Variants in SPG11 observed in about 807,000 individuals in gnomAD.
SPG11 encodes spatacsin.
A neutral mutation model predicts 274.0 loss-of-function variants in SPG11; 222 were observed. That is an observed-to-expected ratio of 0.81 (90% CI 0.73 to 0.91). SPG11 has a LOEUF of 0.91. SPG11 is among the 40% of genes least tolerant of loss of function. SPG11 has a pLI of 0.00. For missense variants in SPG11, 3,114 were observed against 2,872.7 expected, an observed-to-expected ratio of 1.08 and a Z score of -1.92; for synonymous variants, 1,144 against 1,039.7, an observed-to-expected ratio of 1.10 and a Z score of -1.93.
chr15:44,648,777 A>G, intron 7 of SPG11, 89 bp downstream of exon 7: 1 of 1,454,082 alleles, frequency 6.9e-7, no homozygotes. Flanking sequence ...TTGCTGCTAA[A>G]TTAAATGAAT....
At chr15:44,609,735 C>CTT (rs752969781) in intron 18 of SPG11, among the ~76,000 whole-genome samples, 8 of 140,860 alleles carry the variant, frequency 5.7e-5, no homozygotes, top group African/African-American at 7.8e-5. Flanking sequence ...CCCCGCCCAG[C>CTT]TTTTTTTTTT....
intron 35 of SPG11, among the ~76,000 whole-genome samples, chr15:44,568,744 C>T (rs1289093161): frequency 2.0e-5 from 3 of 152,184 alleles, no homozygotes; most frequent in African/African-American, 7.2e-5. Context: ...TCTAAAAGCC[C>T]TCAAACAACC....
intron 21 of SPG11, 88 bp downstream of exon 21, chr15:44,600,379 G>C: frequency 1.4e-6 from 2 of 1,440,494 alleles, no homozygotes; most frequent in Non-Finnish European, 1.9e-6. Context: ...TGAACTCCTG[G>C]GCTCAAGTGA....
At chr15:44,604,239 T>A in intron 20 of SPG11, 1 of 382,460 alleles carries the variant, frequency 2.6e-6, no homozygotes, top group Non-Finnish European at 5.1e-6. Flanking sequence ...GAGGTATCTG[T>A]CATCTTACAA....
intron 1 of SPG11, among the ~76,000 whole-genome samples, chr15:44,661,127 C>T (rs2085093111): frequency 6.6e-6 from 1 of 152,096 alleles, no homozygotes; most frequent in African/African-American, 2.4e-5. Flanking sequence ...TTAGCATTGC[C>T]CAATACAGTA....
At position 44,659,201 on chromosome 15, in the gene SPG11, T is replaced by G. The variant is rs143636318; in HGVS notation, c.545A>C (p.Asp182Ala). 2.5e-6 allele frequency: 4 copies of G among 1,614,082 alleles called. No individual in the cohort carries two copies. The African/African-American group carries it at 5.3e-5, about 22-fold the overall frequency. The change falls in exon 3 of 40, where the codon GAT becomes GCT. Residue 182 changes from aspartate to alanine, a missense_variant. By Grantham distance (126) the Asp-to-Ala change is moderately radical. Coordinates refer to ENST00000261866, the MANE Select transcript of SPG11 (RefSeq NM_025137.4). ...ACAGTTGAGTACTCTAATTGCAGCA[T>G]CTCTTTCAGGAAATATAATATGTAG... ...VILHIIFPER[D>A]AAIRVLNCFT...
intron 30 of SPG11, among the ~76,000 whole-genome samples, chr15:44,578,165 T>C (rs961515223): frequency 6.6e-6 from 1 of 151,016 alleles, no homozygotes; most frequent in East Asian, 1.9e-4. Context: ...GCTGGGACTA[T>C]AGGCGCCCGC....
At chr15:44,617,404 T>A (rs972104002) in intron 15 of SPG11, among the ~76,000 whole-genome samples, 2 of 152,224 alleles carry the variant, frequency 1.3e-5, no homozygotes, top group African/African-American at 2.4e-5. Flanking sequence ...CAACACAAGG[T>A]AGGGAGGGGA....
At chr15:44,636,926 A>AAAAAAAAACAAAC (rs1567180395) in intron 7 of SPG11, among the ~76,000 whole-genome samples, 5 of 98,362 alleles carry the variant, frequency 5.1e-5, no homozygotes, top group Non-Finnish European at 7.9e-5. Context: ...ACTCCATCTC[A>AAAAAAAAACAAAC]AAAAAAAAAA....
rs1348064725 is a variant in SPG11, at chr15:44,579,212, A to AT, written c.5867-4172dup. ...CCAAAATGTCCAGATGCAACCCCAG[A>AT]TTACTCAGCATAAGAAAAAGCAGGA... is the stretch of plus-strand genomic sequence containing the variant. On this transcript the variant is annotated intron_variant, in intron 30 of 39. Transcript: ENST00000261866. 4.0e-5 allele frequency among the ~76,000 whole-genome samples: 6 copies of AT among 151,090 alleles called. No homozygotes were observed. The Admixed American group carries it at 4.0e-4, about 10-fold the overall frequency.
intron 35 of SPG11, among the ~76,000 whole-genome samples, chr15:44,568,712 C>T (rs776400696): frequency 2.1e-5 from 3 of 145,790 alleles, no homozygotes; most frequent in Non-Finnish European, 4.6e-5. Context: ...CAATTTTTCA[C>T]AGTCTCCTGA....
intron 11 of SPG11, among the ~76,000 whole-genome samples, chr15:44,623,994 A>G (rs1374095426): frequency 6.6e-6 from 1 of 152,050 alleles, no homozygotes; most frequent in African/African-American, 2.4e-5. Flanking sequence ...TCCTGCTTCA[A>G]AAGTGATCTG....
At position 44,621,839 on chromosome 15, in the gene SPG11, T is replaced by C; in HGVS notation, c.2540A>G (p.His847Arg). Residue 847 changes from histidine to arginine, a missense_variant, in exon 14 of 40, where the codon CAT (histidine) becomes CGT (arginine). His to Arg is a conservative substitution (Grantham distance 29). Transcript: ENST00000261866. ...CAGAGCCCAATTTAACACAATTCTATGGTCCTGTTTGTTAAATTCATCTTT... is the reference window on the plus strand; with the variant it reads ...CAGAGCCCAATTTAACACAATTCTACGGTCCTGTTTGTTAAATTCATCTTT... ...DCKDEFNKQD[H>R]RIVLNWALWW... The C allele has an allele frequency of 6.2e-7, 1 of 1,613,908 alleles. No homozygotes were observed. Among genetic ancestry groups the C allele is most frequent in the Non-Finnish European group, 8.5e-7 (1 of 1,179,852 alleles).
At chr15:44,567,355 A>C in intron 36 of SPG11, 69 bp downstream of exon 36, 1 of 1,545,236 alleles carries the variant, frequency 6.5e-7, no homozygotes, top group Non-Finnish European at 8.8e-7. Flanking sequence ...GTCTCAAAAA[A>C]AAAAAAAAAA....
intron 21 of SPG11, among the ~76,000 whole-genome samples, chr15:44,599,177 G>A (rs1000725205): frequency 2.6e-5 from 4 of 152,142 alleles, no homozygotes; most frequent in African/African-American, 9.6e-5. Flanking sequence ...TACAAACTAC[G>A]AAGAATATCA....
At chr15:44,628,552 C>T in intron 10 of SPG11, 117 bp downstream of exon 10, 1 of 995,890 alleles carries the variant, frequency 1.0e-6, no homozygotes, top group African/African-American at 1.6e-5. Context: ...AAACCTAAAA[C>T]CTTTGCCAAA....
chr15:44,577,826 C>T (rs571835080), intron 30 of SPG11, among the ~76,000 whole-genome samples: 1 of 152,186 alleles, frequency 6.6e-6, no homozygotes, highest in South Asian at 2.1e-4. Flanking sequence ...GAACTAAGGG[C>T]TGAGGTGAAG....
chr15:44,618,818 A>C (rs1346013785), intron 15 of SPG11, among the ~76,000 whole-genome samples: 1 of 139,876 alleles, frequency 7.1e-6, no homozygotes, highest in African/African-American at 2.9e-5. Context: ...ACTCCATCTC[A>C]AAAAAAAAAA....
At chr15:44,627,653 G>A (rs932761180) in intron 10 of SPG11, among the ~76,000 whole-genome samples, 6 of 151,644 alleles carry the variant, frequency 4.0e-5, no homozygotes, top group Admixed American at 1.3e-4. Flanking sequence ...GCAGTGGTGC[G>A]ATCTCAGCTC....
Sources: allele counts gnomAD v4.1 joint callset (sites outside exome capture counted in the v4.1 genomes callset), GRCh38; gene constraint gnomAD v4.1.1; transcripts MANE v1.5; gene names NCBI Gene and HGNC (gene_info 2026-07-23, HGNC 2026-07-21).